The following ORC4 variants were observed in gnomAD, a reference collection of about 807,000 sequenced individuals.
The protein encoded by ORC4 is origin recognition complex subunit 4.
ORC4 carries 55 observed loss-of-function variants against 63.9 expected under a neutral mutation model. The observed-to-expected ratio is 0.86, with a 90% confidence interval of 0.69 to 1.08. The LOEUF (loss-of-function observed/expected upper bound fraction) is 1.08. ORC4 is among the 50% of genes least tolerant of loss of function. The pLI, the probability that ORC4 is intolerant of heterozygous loss-of-function variation, is 0.00. For missense variants in ORC4, 511 were observed against 504.4 expected (o/e 1.01, Z -0.13); for synonymous variants, 150 against 168.5 (o/e 0.89, Z 0.85).
chr2:148,000,001 G>A (rs1401712235), intron 1 of ORC4, among the ~76,000 whole-genome samples: 1 of 150,986 alleles, frequency 6.6e-6, no homozygotes, highest in Non-Finnish European at 1.5e-5. Context: ...TTAAAAGTAT[G>A]ATAGCAGAAA....
intron 4 of ORC4, among the ~76,000 whole-genome samples, chr2:147,967,702 AT>A (rs1428320147): frequency 2.0e-5 from 3 of 152,098 alleles, no homozygotes; most frequent in African/African-American, 7.2e-5. Context: ...AAGAATGAAT[AT>A]TGTTAAAATT....
intron 4 of ORC4, among the ~76,000 whole-genome samples, chr2:147,971,514 A>G (rs1022541469): frequency 2.6e-5 from 4 of 152,008 alleles, no homozygotes; most frequent in African/African-American, 9.6e-5. Flanking sequence ...AAGATGCTCA[A>G]CAGCATATGT....
At position 147,932,223 on chromosome 2, in the gene ORC4, A is replaced by C. The variant is rs539837668; in HGVS notation, c.*3287T>G. ...ATTCACAATTGCTTCAAAGAGAATA[A>C]AATACCTAGGAATCCAACTTACAAG... is the stretch of plus-strand genomic sequence containing the variant. On this transcript the variant is annotated 3_prime_UTR_variant, in exon 14 of 14. Transcript: ENST00000392857. The C allele has an allele frequency of 6.6e-6, 1 of 151,816 alleles. No individual in the cohort carries two copies. The highest frequency in any genetic ancestry group is 2.1e-4 in the South Asian group (1 of 4,804). 9.4% of individuals were successfully genotyped at this position (151,816 alleles called of 1,614,324 possible).
In ORC4 at chr2:147,958,393, A is replaced by C; in HGVS notation, c.302-10T>G. ...TTGATCTGCAGCAGTCCTAAAATAA[A>C]GTCCATTTAAAAGTATTTAATTAAA... On this transcript the variant is annotated splice_polypyrimidine_tract_variant and intron_variant, in intron 5 of 13. Transcript: ENST00000392857. 1.3e-6 allele frequency: 2 copies of C among 1,595,854 alleles called. No individual in the cohort carries two copies. Among genetic ancestry groups the C allele is most frequent in the Non-Finnish European group, 1.7e-6 (2 of 1,164,236 alleles).
At chr2:147,941,250 A>T (rs1688346336) in intron 10 of ORC4, among the ~76,000 whole-genome samples, 1 of 151,972 alleles carries the variant, frequency 6.6e-6, no homozygotes, top group African/African-American at 2.4e-5. Flanking sequence ...ATTGACAGAC[A>T]TCTTTCATTT....
At chr2:148,009,056 G>A (rs1441359924) in intron 1 of ORC4, among the ~76,000 whole-genome samples, 1 of 152,044 alleles carries the variant, frequency 6.6e-6, no homozygotes, top group Admixed American at 6.6e-5. Flanking sequence ...TTCTGTGCGT[G>A]TATTTTTTCT....
At chr2:147,979,307 C>T (rs1318283839) in intron 1 of ORC4, among the ~76,000 whole-genome samples, 2 of 152,028 alleles carry the variant, frequency 1.3e-5, no homozygotes, top group Non-Finnish European at 2.9e-5. Context: ...TTTCTCCACA[C>T]TAATAACTAT....
intron 1 of ORC4, among the ~76,000 whole-genome samples, chr2:148,001,374 T>C (rs1436639588): frequency 6.6e-6 from 1 of 151,792 alleles, no homozygotes; most frequent in African/African-American, 2.4e-5. Context: ...AATGTTATTT[T>C]AGAAATTTAA....
chr2:148,005,372 G>C (rs536879274), intron 1 of ORC4, among the ~76,000 whole-genome samples: 45 of 151,970 alleles, frequency 3.0e-4, no homozygotes, highest in Admixed American at 2.4e-3. Context: ...TGGACACAGG[G>C]AGGGCAACAT....
At chr2:147,985,052 CTCTTCTT>C (rs1558861884) in intron 1 of ORC4, among the ~76,000 whole-genome samples, 7 of 152,236 alleles carry the variant, frequency 4.6e-5, no homozygotes, top group Admixed American at 3.9e-4. Flanking sequence ...GTACTTATAA[CTCTTCTT>C]TCTCATGATG....
intron 4 of ORC4, among the ~76,000 whole-genome samples, chr2:147,964,524 T>C (rs1689787318): frequency 6.6e-6 from 1 of 152,160 alleles, no homozygotes; most frequent in African/African-American, 2.4e-5. Flanking sequence ...AAAACATATT[T>C]AATAAAACCA....
chr2:147,935,422 T>C lies in ORC4; in HGVS notation c.*88A>G. The C allele has an allele frequency of 3.1e-6, 3 of 955,866 alleles. No homozygotes were observed. The highest frequency in any genetic ancestry group is 2.6e-5 in the South Asian group (2 of 75,596). 59.2% of individuals were successfully genotyped at this position (955,866 alleles called of 1,614,324 possible). On this transcript the variant is annotated 3_prime_UTR_variant, in exon 14 of 14. Transcript: ENST00000392857. ...CATAAATACAAGAATGTTTATAGAA[T>C]GTTTAGCATATCATGTTAATGGACA... is the stretch of plus-strand genomic sequence containing the variant.
In ORC4 at chr2:148,010,466, GA is replaced by G. The variant is rs986306069; in HGVS notation, c.-18+10166del. Among the ~76,000 whole-genome samples the G allele has an allele frequency of 1.1e-4, 17 of 150,938 alleles. 1 individual carries two copies. Among genetic ancestry groups the G allele is most frequent in the Middle Eastern group, 3.4e-3 (1 of 294 alleles). On this transcript the variant is annotated intron_variant, in intron 1 of 13. Coordinates refer to ENST00000392857, the MANE Select transcript of ORC4 (RefSeq NM_181741.4). ...TGAACCTTTACCCAGACTAAGAAAA[GA>G]AAAAAAAGAAGATCCAAATAAAATC...
At position 147,949,004 on chromosome 2, in the gene ORC4, A is replaced by C. The variant is rs1252057588; in HGVS notation, c.589-780T>G. Among the ~76,000 whole-genome samples the C allele has an allele frequency of 2.7e-5, 4 of 147,934 alleles. No individual in the cohort carries two copies. The East Asian group carries it at 7.8e-4, about 29-fold the overall frequency. ...TATATTATAGTACACAGCATATTAT[A>C]TATAATATATATAATTTATATTATA... On this transcript the variant is annotated intron_variant, in intron 8 of 13. Transcript: ENST00000392857.
intron 1 of ORC4, among the ~76,000 whole-genome samples, chr2:147,999,162 G>T (rs1384085891): frequency 6.6e-6 from 1 of 152,196 alleles, no homozygotes; most frequent in Non-Finnish European, 1.5e-5. Context: ...AAGACTTGCA[G>T]TGCTAACATG....
intron 8 of ORC4, 139 bp downstream of exon 8, chr2:147,952,234 G>T: frequency 1.6e-6 from 1 of 619,860 alleles, no homozygotes; most frequent in Non-Finnish European, 2.8e-6. Context: ...TGAGTTGAAA[G>T]CAGGATAAAT....
At chr2:148,008,936 T>C (rs1037099256) in intron 1 of ORC4, among the ~76,000 whole-genome samples, 1 of 152,148 alleles carries the variant, frequency 6.6e-6, no homozygotes, top group South Asian at 2.1e-4. Flanking sequence ...AAACTTTCTA[T>C]ATAACACTAT....
At chr2:147,989,739 G>C (rs1023132371) in intron 1 of ORC4, among the ~76,000 whole-genome samples, 1 of 151,848 alleles carries the variant, frequency 6.6e-6, no homozygotes, top group African/African-American at 2.4e-5. Flanking sequence ...ACAACAACAA[G>C]AAACAAAAAC....
intron 8 of ORC4, chr2:147,951,617 T>A (rs1688964346): frequency 6.6e-6 from 1 of 152,234 alleles, no homozygotes; most frequent in South Asian, 2.1e-4. Flanking sequence ...TGCCATGCGC[T>A]TGAATTTTTC....
Sources: gnomAD v4.1 joint callset for allele counts (sites outside exome capture counted in the v4.1 genomes callset) on GRCh38, gnomAD v4.1.1 for gene constraint, MANE v1.5 for transcripts, NCBI Gene and HGNC (gene_info 2026-07-23, HGNC 2026-07-21) for gene names.